TULP4: variants seen among roughly 807,000 people sequenced by gnomAD.
The protein encoded by TULP4 is TUB like protein 4.
Under a neutral mutation model 129.0 loss-of-function variants are expected in TULP4, and 16 were observed. The ratio of observed to expected loss-of-function variants is 0.12; its 90% CI spans 0.08 to 0.19. TULP4 has a LOEUF of 0.19. TULP4 is among the 10% of genes least tolerant of loss of function. TULP4 has a pLI of 1.00. For missense variants in TULP4, 1,842 were observed against 2,059.1 expected (o/e 0.89, Z 2.04); for synonymous variants, 998 against 854.0 (o/e 1.17, Z -2.94).
chr6:158,312,325 A>G (rs1779374080), upstream of TULP4: 1 of 391,850 alleles, frequency 2.6e-6, no homozygotes, highest in Admixed American at 4.4e-5. Context: ...ACTAATGGCC[A>G]GTTTTCCATA....
At chr6:158,259,598 C>A (rs1346487442) in intron 1 of TULP4, among the ~76,000 whole-genome samples, 1 of 152,170 alleles carries the variant, frequency 6.6e-6, no homozygotes, top group East Asian at 1.9e-4. Flanking sequence ...AATGCTTTGA[C>A]ACCAGTGCTC....
chr6:158,288,224 G>T (rs1034008247), intron 1 of TULP4, among the ~76,000 whole-genome samples: 1 of 152,094 alleles, frequency 6.6e-6, no homozygotes, highest in Non-Finnish European at 1.5e-5. Context: ...TGTCCAGTTT[G>T]TTTGGGATTT....
chr6:158,329,644 A>G lies in TULP4; in HGVS notation c.252+15376A>G, dbSNP rs1161442467. On this transcript the variant is annotated intron_variant, in intron 1 of 13. Transcript: ENST00000367097. ...GAAAACAAGAGTGTAAAAACCATCT[A>G]TTGTCTCTCCATTCACTTGATGTTT... Among the ~76,000 whole-genome samples, 4 of 152,108 alleles carry G rather than the reference A, an allele frequency of 2.6e-5. No homozygotes were observed. The East Asian group carries it at 7.7e-4, about 29-fold the overall frequency.
chr6:158,506,222 C>CTTTTTTTTTTTTT (rs61292138), intron 13 of TULP4, among the ~76,000 whole-genome samples: 2 of 55,496 alleles, frequency 3.6e-5, no homozygotes, highest in Non-Finnish European at 6.6e-5. Context: ...TCGCCTTGTT[C>CTTTTTTTTTTTTT]TTTTTTTTTT....
chr6:158,462,170 T>A (rs1240624048), intron 6 of TULP4, among the ~76,000 whole-genome samples: 1 of 152,204 alleles, frequency 6.6e-6, no homozygotes, highest in Non-Finnish European at 1.5e-5. Context: ...CCCAAAGAAA[T>A]GAGTAAGTCT....
upstream of TULP4, among the ~76,000 whole-genome samples, chr6:158,279,094 T>C (rs262813): frequency 0.46 from 69,348 of 150,712 alleles, 16,315 homozygotes; most frequent in East Asian, 0.54. Context: ...CCTGCCACTA[T>C]GCCCGGCTAA....
chr6:158,238,001 G>A (rs1209297363), intron 1 of TULP4: 1 of 720,584 alleles, frequency 1.4e-6, no homozygotes, highest in South Asian at 1.4e-5. Context: ...AAGGACAAAT[G>A]AGCAGGAGAT....
At chr6:158,475,472 G>A (rs639283) in intron 6 of TULP4, among the ~76,000 whole-genome samples, 92,645 of 152,148 alleles carry the variant, frequency 0.61, 29,060 homozygotes, top group African/African-American at 0.76. Context: ...AAAAATAGTC[G>A]TTTTATGGGA....
At chr6:158,254,038 CA>C (rs1055280495) in intron 1 of TULP4, among the ~76,000 whole-genome samples, 41 of 138,702 alleles carry the variant, frequency 3.0e-4, no homozygotes, top group South Asian at 7.0e-4. Context: ...GACTCTGTCT[CA>C]AAAAAAAAAA....
chr6:158,424,676 A>T (rs1166617753), intron 2 of TULP4, among the ~76,000 whole-genome samples: 2 of 152,234 alleles, frequency 1.3e-5, no homozygotes, highest in African/African-American at 4.8e-5. Context: ...CATGTTCAAT[A>T]CAAATGTAAT....
intron 1 of TULP4, among the ~76,000 whole-genome samples, chr6:158,363,105 G>T (rs1357359127): frequency 6.6e-6 from 1 of 151,414 alleles, no homozygotes; most frequent in Admixed American, 6.6e-5. Context: ...TTGTATTAGG[G>T]CCAGGGAGTA....
rs1454854995 is a variant in TULP4 at position 158,244,870 on chromosome 6, CAT to C, written n.68+12569_68+12570del. 3.9e-5 allele frequency among the ~76,000 whole-genome samples: 6 copies of C among 152,014 alleles called. No individual in the cohort carries two copies. The East Asian group carries it at 1.2e-3, about 29-fold the overall frequency. On this transcript the variant is annotated intron_variant and non_coding_transcript_variant, in intron 1 of 1. Transcript: ENST00000620026. ...TAAATAATAATAAAAAAACTAAAAA[CAT>C]AAAAGAAACAAAATAAATTTCTGTT...
chr6:158,242,172 C>T, intron 1 of TULP4: 2 of 1,191,634 alleles, frequency 1.7e-6, no homozygotes, highest in Non-Finnish European at 2.5e-6. Context: ...GTGGGTCTTC[C>T]TCAGTCTCAT....
intron 1 of TULP4, among the ~76,000 whole-genome samples, chr6:158,371,353 C>T (rs532055251): frequency 2.6e-5 from 4 of 152,292 alleles, no homozygotes; most frequent in East Asian, 3.9e-4. Context: ...GAAGCTCATT[C>T]GGCCCCTGGA....
intron 1 of TULP4, among the ~76,000 whole-genome samples, chr6:158,411,865 G>A (rs562843194): frequency 2.0e-5 from 3 of 152,258 alleles, no homozygotes; most frequent in Non-Finnish European, 4.4e-5. Context: ...TGGGCACTGT[G>A]GAAGTCTTTA....
At chr6:158,387,792 G>A (rs532344606) in intron 1 of TULP4, among the ~76,000 whole-genome samples, 1 of 152,280 alleles carries the variant, frequency 6.6e-6, no homozygotes, top group Non-Finnish European at 1.5e-5. Flanking sequence ...TGTTTCTGAT[G>A]AGCAAGACTC....
Position 158,502,255 on chromosome 6 carries a change from C to T in TULP4, c.2592C>T (p.Cys864=), listed in dbSNP as rs1780468194. 8.1e-7 allele frequency: 1 copy of T among 1,234,060 alleles called. No homozygotes were observed. Among genetic ancestry groups the T allele is most frequent in the African/African-American group, 1.6e-5 (1 of 63,154 alleles). The allele number at this position is 1,234,060 out of a possible 1,614,324, so 76.4% of individuals were successfully genotyped here. A position where few individuals can be genotyped will look rare whatever the true frequency, so the allele number is the denominator to read the frequency against. Reference sequence around the variant, plus strand: ...CCCCACAGCCCCCAGTGGATGTGTGCTTGAAGAAGGGCGACTTCTCCCTCT... The same window carrying T: ...CCCCACAGCCCCCAGTGGATGTGTGTTTGAAGAAGGGCGACTTCTCCCTCT... ...LPPPQPPVDV[C]LKKGDFSLYP... is the part of the protein sequence containing the mutation. Residue 864 remains cysteine, a synonymous_variant, in exon 13 of 14, where the codon TGC becomes TGT. Coordinates refer to ENST00000367097, the MANE Select transcript of TULP4 (RefSeq NM_020245.5).
chr6:158,470,073 C>T (rs1035468252), intron 6 of TULP4, among the ~76,000 whole-genome samples: 2 of 152,184 alleles, frequency 1.3e-5, no homozygotes, highest in Non-Finnish European at 2.9e-5. Context: ...ACCGTGGAAC[C>T]CAGTGACTAG....
At chr6:158,451,485 A>T (rs1413036644) in intron 4 of TULP4, among the ~76,000 whole-genome samples, 1 of 152,172 alleles carries the variant, frequency 6.6e-6, no homozygotes, top group African/African-American at 2.4e-5. Context: ...TTGCTTTTTC[A>T]AACACCCTGT....
Sources: allele counts gnomAD v4.1 joint callset (sites outside exome capture counted in the v4.1 genomes callset), GRCh38; gene constraint gnomAD v4.1.1; transcripts MANE v1.5; gene names NCBI Gene and HGNC (gene_info 2026-07-23, HGNC 2026-07-21).